The following ARPP21 variants were observed in gnomAD, a reference collection of about 807,000 sequenced individuals.
The protein encoded by ARPP21 is cAMP regulated phosphoprotein 21.
Under a neutral mutation model 113.2 loss-of-function variants are expected in ARPP21, and 69 were observed. That is an observed-to-expected ratio of 0.61 (90% confidence interval 0.50 to 0.74). The LOEUF is 0.74. ARPP21 is among the 30% of genes least tolerant of loss of function. The pLI is 0.00. For missense variants in ARPP21, 1,070 were observed against 1,037.4 expected, an observed-to-expected ratio of 1.03 and a Z score of -0.43; for synonymous variants, 368 against 375.5, an observed-to-expected ratio of 0.98 and a Z score of 0.23.
chr3:35,682,896 T>A lies in ARPP21; in HGVS notation c.171+7T>A. Reference sequence around the variant, plus strand: ...AGAAAGAAGAAAATCCAAGGTAGGGTTCTTAACATTCTAGGTAGACCTGAT... The same window carrying A: ...AGAAAGAAGAAAATCCAAGGTAGGGATCTTAACATTCTAGGTAGACCTGAT... On this transcript the variant is annotated splice_region_variant and intron_variant, in intron 4 of 20. Transcript: ENST00000684406. The A allele has an allele frequency of 6.2e-7, 1 of 1,606,924 alleles. No individual in the cohort carries two copies. The highest frequency in any genetic ancestry group is 8.5e-7 in the Non-Finnish European group (1 of 1,175,456).
intron 19 of ARPP21, among the ~76,000 whole-genome samples, chr3:35,759,672 C>CTGTGTGTGTGTGTG (rs1468740553): frequency 2.5e-4 from 30 of 119,640 alleles, no homozygotes; most frequent in African/African-American, 7.3e-4. Context: ...TTCATTTTCT[C>CTGTGTGTGTGTGTG]TCTCTGTGTG....
intron 19 of ARPP21, among the ~76,000 whole-genome samples, chr3:35,779,325 G>A (rs921688294): frequency 2.0e-4 from 30 of 152,172 alleles, no homozygotes; most frequent in Non-Finnish European, 4.1e-4. Context: ...TCCTCAGTGT[G>A]AGCATTCAGG....
intron 1 of ARPP21, among the ~76,000 whole-genome samples, 151 bp downstream of exon 1, chr3:35,640,549 A>G (rs531698634): frequency 2.0e-5 from 3 of 152,110 alleles, no homozygotes; most frequent in African/African-American, 7.2e-5. Flanking sequence ...TGATGTTGTT[A>G]TACATGTATT....
intron 1 of ARPP21, among the ~76,000 whole-genome samples, chr3:35,661,850 T>G (rs190727990): frequency 1.3e-5 from 2 of 152,258 alleles, no homozygotes; most frequent in Admixed American, 1.3e-4. Context: ...TGTTTCTGGT[T>G]GTGAGGTAAT....
chr3:35,715,656 G>A, intron 12 of ARPP21, 180 bp downstream of exon 12: 2 of 427,790 alleles, frequency 4.7e-6, no homozygotes, highest in Non-Finnish European at 4.0e-6. Flanking sequence ...ATCTAATTTG[G>A]AAAAAAAATT....
chr3:35,739,719 T>C, intron 18 of ARPP21, 142 bp downstream of exon 18: 1 of 1,206,712 alleles, frequency 8.3e-7, no homozygotes, highest in Non-Finnish European at 1.1e-6. Context: ...CAGGAAGTAG[T>C]ATATTTTTTC....
intron 20 of ARPP21, 109 bp downstream of exon 20, chr3:35,792,639 G>A: frequency 1.2e-6 from 1 of 862,532 alleles, no homozygotes; most frequent in South Asian, 1.6e-5. Flanking sequence ...TGCGTGCTTG[G>A]TCCATAACTG....
chr3:35,684,799 T>C (rs2080060548), intron 5 of ARPP21: 2 of 983,384 alleles, frequency 2.0e-6, no homozygotes, highest in South Asian at 4.7e-5. Flanking sequence ...CCTAAGAGAG[T>C]GTTTTTTTTT....
chr3:35,678,040 A>G (rs1046986117), intron 1 of ARPP21, among the ~76,000 whole-genome samples: 11 of 151,928 alleles, frequency 7.2e-5, no homozygotes, highest in East Asian at 1.9e-4. Context: ...GCTCGGTGCT[A>G]TTTCAAAACG....
intron 1 of ARPP21, among the ~76,000 whole-genome samples, chr3:35,652,515 G>A (rs920534755): frequency 6.6e-6 from 1 of 152,072 alleles, no homozygotes; most frequent in Admixed American, 6.6e-5. Flanking sequence ...AAAGGATGAG[G>A]AGATATCACT....
chr3:35,685,558 C>A, intron 5 of ARPP21: 1 of 984,792 alleles, frequency 1.0e-6, no homozygotes, highest in Non-Finnish European at 1.2e-6. Context: ...CAGATGTATA[C>A]AGTATATGGA....
At chr3:35,726,458 G>A (rs1299322915) in intron 14 of ARPP21, among the ~76,000 whole-genome samples, 1 of 152,226 alleles carries the variant, frequency 6.6e-6, no homozygotes, top group Non-Finnish European at 1.5e-5. Context: ...TCCTTTTGAA[G>A]AGGTTTGACT....
At position 35,794,102 on chromosome 3, in the gene ARPP21, G is replaced by A; in HGVS notation, c.*144G>A. 1 of 747,296 alleles carries A rather than the reference G, an allele frequency of 1.3e-6. No individual in the cohort carries two copies. 46.3% of individuals were successfully genotyped at this position (747,296 alleles called of 1,614,324 possible). On this transcript the variant is annotated 3_prime_UTR_variant, in exon 21 of 21. Coordinates refer to ENST00000684406, the MANE Select transcript of ARPP21 (RefSeq NM_001385562.1). ...TGGTATTCTGTAAAAAATAAACAAA[G>A]ACTAATATACACGTTAGCTGGTTAA...
At chr3:35,736,978 A>G (rs774345804) in intron 15 of ARPP21, among the ~76,000 whole-genome samples, 200 bp from the exon 16 acceptor site, 2 of 152,200 alleles carry the variant, frequency 1.3e-5, no homozygotes, top group Non-Finnish European at 2.9e-5. Flanking sequence ...TTAAATTGCT[A>G]TGGGCTCCCA....
intron 19 of ARPP21, among the ~76,000 whole-genome samples, chr3:35,747,626 C>T (rs940039545): frequency 6.6e-6 from 1 of 151,884 alleles, no homozygotes; most frequent in African/African-American, 2.4e-5. Context: ...GATAGGTGCA[C>T]GGCCTCATTA....
At chr3:35,766,135 C>G (rs562587401) in intron 19 of ARPP21, among the ~76,000 whole-genome samples, 158 of 152,248 alleles carry the variant, frequency 1.0e-3, no homozygotes, top group African/African-American at 3.7e-3. Flanking sequence ...AAATTTAACT[C>G]TCTGGATTTT....
At chr3:35,662,248 T>C (rs1708166225) in intron 1 of ARPP21, among the ~76,000 whole-genome samples, 1 of 152,212 alleles carries the variant, frequency 6.6e-6, no homozygotes, top group Admixed American at 6.5e-5. Flanking sequence ...TTAATACTTT[T>C]ATAAATATTG....
chr3:35,792,445 C>T lies in ARPP21; in HGVS notation c.2201C>T (p.Pro734Leu). 2 of 1,613,914 alleles carry T rather than the reference C, an allele frequency of 1.2e-6. No homozygotes were observed. Among genetic ancestry groups the T allele is most frequent in the Non-Finnish European group, 1.7e-6 (2 of 1,179,804 alleles). Residue 734 changes from proline (P) to leucine (L), a missense_variant, in exon 20 of 21, where the codon CCT becomes CTT. Pro to Leu is a moderately conservative substitution (Grantham distance 98). Coordinates refer to ENST00000684406, the MANE Select transcript of ARPP21 (RefSeq NM_001385562.1). ...GGCCTAATAGGAGTGCAGCAGCCAC[C>T]TCAGAGTCAGAACGTGATAAATAAC... Reference protein sequence around the residue: ...FQGLIGVQQPPQSQNVINNQQ... With the variant: ...FQGLIGVQQPLQSQNVINNQQ...
chr3:35,717,036 A>G (rs535366657), intron 12 of ARPP21, among the ~76,000 whole-genome samples: 54 of 152,138 alleles, frequency 3.5e-4, no homozygotes, highest in African/African-American at 1.2e-3. Flanking sequence ...TTATACCTAT[A>G]TCAATCTCTT....
Sources: allele counts gnomAD v4.1 joint callset (sites outside exome capture counted in the v4.1 genomes callset), GRCh38; gene constraint gnomAD v4.1.1; transcripts MANE v1.5; gene names NCBI Gene and HGNC (gene_info 2026-07-23, HGNC 2026-07-21).